RASSF8: variants seen among roughly 807,000 people sequenced by gnomAD.
The protein encoded by RASSF8 is ras association domain-containing protein 8.
A neutral mutation model predicts 48.5 loss-of-function variants in RASSF8; 22 were observed. The observed-to-expected ratio is 0.45, with a 90% confidence interval of 0.32 to 0.65. The LOEUF is 0.65. Among genes scored for constraint, RASSF8 ranks in the 30% least tolerant of loss-of-function variants. The probability of loss-of-function intolerance (pLI) is 0.03; values close to 1 mark genes in which losing one functional copy is unlikely to be tolerated. For synonymous variants in RASSF8, 127 were observed against 171.5 expected, an observed-to-expected ratio of 0.74 and a Z score of 2.03; for missense variants, 418 against 489.2, an observed-to-expected ratio of 0.85 and a Z score of 1.37.
At chr12:26,008,250 A>G (rs1387578402) in intron 2 of RASSF8, among the ~76,000 whole-genome samples, 1 of 152,048 alleles carries the variant, frequency 6.6e-6, no homozygotes, top group African/African-American at 2.4e-5. Flanking sequence ...CAGCCTGGGC[A>G]ACACAGCGAG....
At chr12:26,051,695 T>A (rs1011705335) in intron 2 of RASSF8, among the ~76,000 whole-genome samples, 6 of 152,238 alleles carry the variant, frequency 3.9e-5, no homozygotes, top group African/African-American at 1.4e-4. Flanking sequence ...GAGAAGTCTC[T>A]ATTTCAAAGT....
chr12:26,058,076 A>G (rs1388536719), intron 3 of RASSF8, among the ~76,000 whole-genome samples: 1 of 152,218 alleles, frequency 6.6e-6, no homozygotes, highest in Non-Finnish European at 1.5e-5. Flanking sequence ...TTATTTGTGA[A>G]CAAGCCAAAA....
intron 1 of RASSF8, among the ~76,000 whole-genome samples, chr12:25,974,497 CT>C (rs5797154): frequency 0.018 from 2,691 of 146,656 alleles, 41 homozygotes; most frequent in African/African-American, 0.037. Context: ...ACTAAAATAC[CT>C]TTTTTTTTTT....
chr12:26,041,941 C>T (rs758535349), intron 2 of RASSF8, among the ~76,000 whole-genome samples: 28 of 152,124 alleles, frequency 1.8e-4, no homozygotes, highest in Non-Finnish European at 3.7e-4. Context: ...ATTCAAAATA[C>T]CCAAAACCTA....
intron 2 of RASSF8, among the ~76,000 whole-genome samples, chr12:26,023,898 C>A (rs1355676948): frequency 5.9e-5 from 9 of 152,092 alleles, no homozygotes; most frequent in Admixed American, 5.9e-4. Flanking sequence ...GGAAATTATA[C>A]CACATGATAA....
At chr12:25,996,416 A>G (rs1168839571) in intron 2 of RASSF8, among the ~76,000 whole-genome samples, 1 of 152,224 alleles carries the variant, frequency 6.6e-6, no homozygotes, top group Non-Finnish European at 1.5e-5. Flanking sequence ...TTTTTTATTA[A>G]GGAGGATCTA....
chr12:25,968,419 T>C (rs902667213), intron 1 of RASSF8, among the ~76,000 whole-genome samples: 3 of 152,220 alleles, frequency 2.0e-5, no homozygotes, highest in South Asian at 4.1e-4. Context: ...CTCGGCTCAC[T>C]GCAGCCCCCG....
At chr12:25,966,890 C>G (rs1217145284) in intron 1 of RASSF8, among the ~76,000 whole-genome samples, 1 of 152,118 alleles carries the variant, frequency 6.6e-6, no homozygotes, top group African/African-American at 2.4e-5. Flanking sequence ...CCTATGTTTT[C>G]TTCTAGAAGT....
chr12:26,045,649 A>T (rs1239824900), intron 2 of RASSF8, among the ~76,000 whole-genome samples: 1 of 152,178 alleles, frequency 6.6e-6, no homozygotes, highest in Non-Finnish European at 1.5e-5. Flanking sequence ...TAACTATAGA[A>T]ATGTTCTTGT....
intron 2 of RASSF8, among the ~76,000 whole-genome samples, chr12:26,024,745 G>A (rs562298632): frequency 4.0e-5 from 6 of 151,736 alleles, no homozygotes; most frequent in Admixed American, 2.0e-4. Flanking sequence ...TCACTAGTTC[G>A]GGAGATCAAG....
chr12:26,078,245 A>C (rs12579157), intron 5 of RASSF8, among the ~76,000 whole-genome samples: 1 of 152,332 alleles, frequency 6.6e-6, no homozygotes, highest in East Asian at 1.9e-4. Flanking sequence ...TTCAATTGTG[A>C]TTAGAATTAA....
intron 1 of RASSF8, among the ~76,000 whole-genome samples, chr12:25,992,997 A>G (rs1408434672): frequency 2.6e-5 from 4 of 152,132 alleles, no homozygotes; most frequent in Admixed American, 2.6e-4. Flanking sequence ...AAGAGTGAAC[A>G]ATGGATTGAG....
chr12:25,971,331 A>G (rs1443221983), intron 1 of RASSF8, among the ~76,000 whole-genome samples: 4 of 151,890 alleles, frequency 2.6e-5, no homozygotes, highest in Non-Finnish European at 5.9e-5. Flanking sequence ...CTCCAAGTTC[A>G]CTCCTTACCT....
chr12:25,980,756 T>G (rs753477482), intron 1 of RASSF8, among the ~76,000 whole-genome samples: 1 of 151,918 alleles, frequency 6.6e-6, no homozygotes. Context: ...GTTGAGAGAG[T>G]CATTGCAAGA....
intron 2 of RASSF8, among the ~76,000 whole-genome samples, chr12:26,024,160 A>G (rs894331337): frequency 6.6e-6 from 1 of 152,118 alleles, no homozygotes; most frequent in African/African-American, 2.4e-5. Context: ...ACAATTCATT[A>G]TTTTCTTTTT....
downstream of RASSF8, among the ~76,000 whole-genome samples, chr12:26,077,083 A>G (rs187507804): frequency 1.7e-3 from 261 of 152,284 alleles, 2 homozygotes; most frequent in South Asian, 0.015. Context: ...GTGTCTGCTC[A>G]TATCCTTTGC....
intron 2 of RASSF8, among the ~76,000 whole-genome samples, chr12:26,015,818 C>T (rs1016890276): frequency 2.7e-5 from 4 of 150,512 alleles, no homozygotes; most frequent in Non-Finnish European, 5.9e-5. Context: ...TTTGCTTTGC[C>T]TGTTCAGTGG....
At chr12:26,001,445 A>T (rs1942255228) in intron 2 of RASSF8, among the ~76,000 whole-genome samples, 1 of 152,132 alleles carries the variant, frequency 6.6e-6, no homozygotes, top group African/African-American at 2.4e-5. Context: ...TTTTAATTTT[A>T]ACTTTTTGAT....
intron 2 of RASSF8, among the ~76,000 whole-genome samples, chr12:26,022,187 A>G (rs546616026): frequency 6.6e-6 from 1 of 152,326 alleles, no homozygotes; most frequent in African/African-American, 2.4e-5. Context: ...GCGGGATACC[A>G]GATGAGGCAA....
Sources: gnomAD v4.1 joint callset for allele counts (sites outside exome capture counted in the v4.1 genomes callset) on GRCh38, gnomAD v4.1.1 for gene constraint, MANE v1.5 for transcripts, NCBI Gene and HGNC (gene_info 2026-07-23, HGNC 2026-07-21) for gene names.